FBN3: variants seen among roughly 807,000 people sequenced by gnomAD.
FBN3 encodes the protein fibrillin 3.
FBN3 carries 234 observed loss-of-function variants against 330.1 expected under a neutral mutation model. The ratio of observed to expected loss-of-function variants is 0.71; its 90% CI spans 0.64 to 0.79. The LOEUF is 0.79. FBN3 is among the 30% of genes least tolerant of loss of function. The probability of loss-of-function intolerance (pLI) is 0.00; values close to 1 mark genes in which losing one functional copy is unlikely to be tolerated. For missense variants in FBN3, 3,606 were observed against 3,886.9 expected, an observed-to-expected ratio of 0.93 and a Z score of 1.92; for synonymous variants, 1,458 against 1,517.3, an observed-to-expected ratio of 0.96 and a Z score of 0.91.
Position 8,088,093 on chromosome 19 carries a change from C to T in FBN3, c.6463G>A (p.Gly2155Ser), listed in dbSNP as rs372550025. ...IGGFECACADGFEPGLMMTCE... is the reference protein window; with the variant it reads ...IGGFECACADSFEPGLMMTCE... ...GTCATCATGAGGCCAGGCTCAAAGC[C>T]GTCAGCACAGGCACATTCGAAGCCT... Residue 2155 changes from glycine to serine, a missense_variant, in exon 52 of 64, where the codon GGC (glycine) becomes AGC (serine). Physicochemically the swap from Gly to Ser is moderately conservative, Grantham distance 56 (BLOSUM62 0). Transcript: ENST00000600128. 3.7e-5 allele frequency: 60 copies of T among 1,613,976 alleles called. No individual in the cohort carries two copies. The highest frequency in any genetic ancestry group is 4.9e-5 in the Non-Finnish European group (58 of 1,180,038).
Position 8,065,580 on chromosome 19 carries a change from C to T in FBN3, c.*339G>A, listed in dbSNP as rs1042325374. 2.9e-5 allele frequency: 8 copies of T among 278,772 alleles called. No homozygotes were observed. The Admixed American group carries it at 3.6e-4, about 13-fold the overall frequency. The allele number at this position is 278,772 out of a possible 1,614,324, so 17.3% of individuals were successfully genotyped here. A position where few individuals can be genotyped will look rare whatever the true frequency, so the allele number is the denominator to read the frequency against. On this transcript the variant is annotated 3_prime_UTR_variant, in exon 64 of 64. Transcript: ENST00000600128. ...GCCATGTCCTGCCAACCCCCTGCCC[C>T]CCGCCAGGGCAAGCCACAGTGCAGT...
intron 41 of FBN3, among the ~76,000 whole-genome samples, chr19:8,099,276 ATT>A (rs386388494): frequency 5.1e-5 from 5 of 98,874 alleles, no homozygotes; most frequent in Non-Finnish European, 1.9e-5. Context: ...TCATGGTTTG[ATT>A]TTTTTTTTTT....
At chr19:8,138,381 C>T (rs1412289499) in intron 9 of FBN3, 31 bp downstream of exon 9, 1 of 1,610,226 alleles carries the variant, frequency 6.2e-7, no homozygotes, top group Non-Finnish European at 8.5e-7. Flanking sequence ...CCTCCTCACC[C>T]ACAGCCCTGC....
At chr19:8,138,017 TC>T (rs1169190117) in intron 10 of FBN3, 123 bp downstream of exon 10, 2 of 1,109,976 alleles carry the variant, frequency 1.8e-6, no homozygotes, top group African/African-American at 3.2e-5. Context: ...GGCCAGGAGT[TC>T]CCCCTCCAAA....
In FBN3 at chr19:8,147,177, C is replaced by A. The variant is rs1339558297; in HGVS notation, c.177G>T (p.Val59=). The A allele has an allele frequency of 1.3e-6, 2 of 1,568,760 alleles. No homozygotes were observed. Among genetic ancestry groups the A allele is most frequent in the Admixed American group, 1.9e-5 (1 of 52,890 alleles). Reference sequence around the variant, plus strand: ...AGTAGGCATGGAACCGGGAGCCGCACACATTCGGCCTTCGGGGACAGCGAG... The same window carrying A: ...AGTAGGCATGGAACCGGGAGCCGCAAACATTCGGCCTTCGGGGACAGCGAG... ...GSPGILQGPN[V]CGSRFHAYCC... Residue 59 remains valine, a synonymous_variant, in exon 3 of 64, where the codon GTG becomes GTT. Coordinates refer to ENST00000600128, the MANE Select transcript of FBN3 (RefSeq NM_032447.5).
At position 8,121,645 on chromosome 19, in the gene FBN3, T is replaced by G. The variant is rs2082854206; in HGVS notation, c.3083-259A>C. ...AAATGGAGGAACCCCAAACTAAACA[T>G]GACAAGGGCAGGCAGTTTTCTCACA... On this transcript the variant is annotated intron_variant, in intron 24 of 63. Coordinates refer to ENST00000600128, the MANE Select transcript of FBN3 (RefSeq NM_032447.5). This position sits in a 1 kb window ranked among gnomAD's most constrained non-coding sequence, Gnocchi z 4.5. 6.6e-6 allele frequency among the ~76,000 whole-genome samples: 1 copy of G among 152,234 alleles called. No individual in the cohort carries two copies. The highest frequency in any genetic ancestry group is 6.5e-5 in the Admixed American group (1 of 15,280).
At chr19:8,069,353 A>C (rs562018377) in intron 63 of FBN3, among the ~76,000 whole-genome samples, 26 of 152,328 alleles carry the variant, frequency 1.7e-4, no homozygotes, top group African/African-American at 6.0e-4. Flanking sequence ...TGACGTATCC[A>C]ACCCCACAGA....
rs541778651 is a variant in FBN3 at position 8,111,978 on chromosome 19, G to A, written c.3960C>T (p.His1320=). 3.1e-5 allele frequency: 47 copies of A among 1,509,146 alleles called. No homozygotes were observed. The highest frequency in any genetic ancestry group is 1.8e-4 in the Middle Eastern group (1 of 5,712). The allele number at this position is 1,509,146 out of a possible 1,614,324, so 93.5% of individuals were successfully genotyped here. A position where few individuals can be genotyped will look rare whatever the true frequency, so the allele number is the denominator to read the frequency against. ...CACTCCCTGCCCCCAGGTACTCACCGTGACATTCGAAGCCATCCCCCACCC... is the reference window on the plus strand; with the variant it reads ...CACTCCCTGCCCCCAGGTACTCACCATGACATTCGAAGCCATCCCCCACCC... ...PGWVGDGFEC[H]DLDECVSQEH... is the part of the protein sequence containing the mutation. The change falls in exon 31 of 64, where the codon CAC becomes CAT. Residue 1320 remains histidine (H), a splice_region_variant and synonymous_variant. Coordinates refer to ENST00000600128, the MANE Select transcript of FBN3 (RefSeq NM_032447.5).
chr19:8,118,057 AC>A (rs1353476227), intron 26 of FBN3, among the ~76,000 whole-genome samples: 41 of 101,614 alleles, frequency 4.0e-4, no homozygotes, highest in Non-Finnish European at 2.0e-4. Context: ...TCACACATAC[AC>A]ACACACCCAT....
At chr19:8,115,683 G>T (rs767788999) in intron 29 of FBN3, 43 bp from the exon 30 acceptor site, 2 of 1,605,274 alleles carry the variant, frequency 1.2e-6, no homozygotes, top group Non-Finnish European at 1.7e-6. Flanking sequence ...TGGGTGCAGG[G>T]GTGACAGGAG....
chr19:8,135,937 C>CCT, intron 13 of FBN3, 24 bp downstream of exon 13: 1 of 116,776 alleles, frequency 8.6e-6, no homozygotes. Flanking sequence ...GAAGCCCCTG[C>CCT]CCACCCGCCC....
At chr19:8,127,327 C>G (rs966522125) in intron 18 of FBN3, among the ~76,000 whole-genome samples, 1 of 152,118 alleles carries the variant, frequency 6.6e-6, no homozygotes, top group Admixed American at 6.6e-5. Context: ...TCCCAAAGTG[C>G]TGGGATTATA....
rs1236220605 is a variant in FBN3 at position 8,103,645 on chromosome 19, C to G, written c.4856G>C (p.Gly1619Ala). Residue 1619 changes from glycine to alanine, a missense_variant, in exon 39 of 64, where the codon GGC (glycine) becomes GCC (alanine). Transcript: ENST00000600128. ...GTTCCCCAGGGTGTTGTAGCAGGTG[C>G]CAGGGCCACAGATGCCGGAGTGTGT... ...CSTHSGICGP[G>A]TCYNTLGNYT... The G allele has an allele frequency of 1.9e-6, 3 of 1,613,388 alleles. No homozygotes were observed. The highest frequency in any genetic ancestry group is 2.5e-6 in the Non-Finnish European group (3 of 1,179,632).
chr19:8,090,593 C>G (rs965638576), intron 48 of FBN3, among the ~76,000 whole-genome samples: 3 of 151,666 alleles, frequency 2.0e-5, no homozygotes, highest in Admixed American at 6.6e-5. Context: ...GAGTGATTCT[C>G]CTGCCTCAGC....
chr19:8,138,397 G>A lies in FBN3; in HGVS notation c.1018+15C>T, dbSNP rs750516942. The A allele has an allele frequency of 1.9e-6, 3 of 1,610,262 alleles. No homozygotes were observed. The highest frequency in any genetic ancestry group is 1.7e-5 in the Admixed American group (1 of 59,574). ...CTCCTCACCCACAGCCCTGCAGGCT[G>A]CAGCTCTTACTCACTGGAGCCCCGA... On this transcript the variant is annotated intron_variant, in intron 9 of 63. Coordinates refer to ENST00000600128, the MANE Select transcript of FBN3 (RefSeq NM_032447.5).
At chr19:8,114,804 C>T (rs543277741) in intron 30 of FBN3, among the ~76,000 whole-genome samples, 1 of 151,484 alleles carries the variant, frequency 6.6e-6, no homozygotes, top group East Asian at 2.0e-4. Flanking sequence ...TGCAGTGGCT[C>T]GACCTCGGCT....
chr19:8,131,412 C>T lies in FBN3; in HGVS notation c.1991-124G>A, dbSNP rs1335707394. On this transcript the variant is annotated intron_variant, in intron 15 of 63. Coordinates refer to ENST00000600128, the MANE Select transcript of FBN3 (RefSeq NM_032447.5). The surrounding 1 kb of genome is among the most constrained non-coding windows in gnomAD (Gnocchi z 4.5). ...TTTGGGACTAAGACACAACTCCAACCCCGGGGAGGGAGCAACTCCCTTCAG... is the reference window on the plus strand; with the variant it reads ...TTTGGGACTAAGACACAACTCCAACTCCGGGGAGGGAGCAACTCCCTTCAG... The T allele has an allele frequency of 4.1e-6, 6 of 1,454,068 alleles. No individual in the cohort carries two copies. In the African/African-American group the frequency reaches 7.0e-5, roughly 17 times the overall value. The allele number at this position is 1,454,068 out of a possible 1,614,324, so 90.1% of individuals were successfully genotyped here. A position where few individuals can be genotyped will look rare whatever the true frequency, so the allele number is the denominator to read the frequency against.
intron 51 of FBN3, among the ~76,000 whole-genome samples, chr19:8,089,121 A>G (rs1720574126): frequency 6.6e-6 from 1 of 152,210 alleles, no homozygotes; most frequent in Non-Finnish European, 1.5e-5. Flanking sequence ...TGACGTGTGA[A>G]TGAATGAGGG....
rs769155026 is a variant in FBN3 at position 8,089,884 on chromosome 19, A to G, written c.6250+10T>C. The G allele has an allele frequency of 1.3e-6, 2 of 1,590,382 alleles. No homozygotes were observed. The highest frequency in any genetic ancestry group is 2.3e-5 in the South Asian group (2 of 88,390). The stretch of plus-strand genomic sequence containing the variant: ...AGAAGGGGCTCTTAGCATGTGGGTG[A>G]GGGGCTCACCTTCTCGGGAGTCATC... On this transcript the variant is annotated intron_variant, in intron 50 of 63. Coordinates refer to ENST00000600128, the MANE Select transcript of FBN3 (RefSeq NM_032447.5).
Sources: gnomAD v4.1 joint callset for allele counts (sites outside exome capture counted in the v4.1 genomes callset) on GRCh38, gnomAD v4.1.1 for gene constraint, Gnocchi (gnomAD v3.1) non-coding constraint, MANE v1.5 for transcripts, NCBI Gene and HGNC (gene_info 2026-07-23, HGNC 2026-07-21) for gene names.